The following ESS2 variants were observed in gnomAD, a reference collection of about 807,000 sequenced individuals.
The protein encoded by ESS2 is ess-2 spliceosome associated protein.
A neutral mutation model predicts 52.0 loss-of-function variants in ESS2; 31 were observed. That is an observed-to-expected ratio of 0.60 (90% CI 0.45 to 0.81). The LOEUF is 0.81. Among genes scored for constraint, ESS2 ranks in the 30% least tolerant of loss-of-function variants. The pLI is 0.00. For synonymous variants in ESS2, 285 were observed against 259.2 expected, an observed-to-expected ratio of 1.10 and a Z score of -0.95; for missense variants, 602 against 637.2, an observed-to-expected ratio of 0.94 and a Z score of 0.59.
At chr22:19,137,987 A>C in intron 7 of ESS2, 1 of 985,420 alleles carries the variant, frequency 1.0e-6, no homozygotes, top group Non-Finnish European at 1.2e-6. Flanking sequence ...ACGTCATCCC[A>C]GGATGTCTCA....
chr22:19,143,440 A>T (rs1012999318), intron 1 of ESS2, among the ~76,000 whole-genome samples: 1 of 152,156 alleles, frequency 6.6e-6, no homozygotes, highest in Non-Finnish European at 1.5e-5. Context: ...AAGTCCGTGA[A>T]ACCCTTCTCT....
In ESS2 at chr22:19,130,649, T is replaced by G. The variant is rs947314520; in HGVS notation, c.*3547A>C. On this transcript the variant is annotated 3_prime_UTR_variant, in exon 10 of 10. Transcript: ENST00000252137. Reference sequence around the variant, plus strand: ...GTTCCCTTAACTTGTCTTCAGATTTTGTCGACCCGAGATGGGTCCTGGCAC... The same window carrying G: ...GTTCCCTTAACTTGTCTTCAGATTTGGTCGACCCGAGATGGGTCCTGGCAC... 3.1e-6 allele frequency: 1 copy of G among 319,326 alleles called. No individual in the cohort carries two copies. Among genetic ancestry groups the G allele is most frequent in the African/African-American group, 2.2e-5 (1 of 44,738 alleles). 19.8% of individuals were successfully genotyped at this position (319,326 alleles called of 1,614,324 possible).
Position 19,130,577 on chromosome 22 carries a change from A to C in ESS2, c.*3619T>G. On this transcript the variant is annotated 3_prime_UTR_variant, in exon 10 of 10. Transcript: ENST00000252137. The stretch of plus-strand genomic sequence containing the variant: ...TTGTATCTCCTTTACAGCTTGGTCC[A>C]GAGAGCTGCCTTAGACTATCCAATT... 2.3e-6 allele frequency: 1 copy of C among 433,178 alleles called. No individual in the cohort carries two copies. The highest frequency in any genetic ancestry group is 4.5e-6 in the Non-Finnish European group (1 of 222,002). 26.8% of individuals were successfully genotyped at this position (433,178 alleles called of 1,614,324 possible). A position where few individuals can be genotyped will look rare whatever the true frequency, so the allele number is the denominator to read the frequency against.
rs746308938 is a variant in ESS2, at chr22:19,131,795, C to G, written c.*2401G>C. 6.2e-7 allele frequency: 1 copy of G among 1,614,232 alleles called. No individual in the cohort carries two copies. Among genetic ancestry groups the G allele is most frequent in the Admixed American group, 1.7e-5 (1 of 60,034 alleles). On this transcript the variant is annotated 3_prime_UTR_variant, in exon 10 of 10. Coordinates refer to ENST00000252137, the MANE Select transcript of ESS2 (RefSeq NM_022719.3). The surrounding 1 kb of genome is among the most constrained non-coding windows in gnomAD (Gnocchi z 5.7). ...TCAAGTACTGCCACGACCTGGACAT[C>G]GTCCACCGGGACCTCAAGTGCGAGA...
chr22:19,144,076 A>T lies in ESS2; in HGVS notation c.135+430T>A, dbSNP rs980169247. 12 of 1,002,166 alleles carry T rather than the reference A, an allele frequency of 1.2e-5. No individual in the cohort carries two copies. In the African/African-American group the frequency reaches 2.1e-4, roughly 17 times the overall value. 62.1% of individuals were successfully genotyped at this position (1,002,166 alleles called of 1,614,324 possible). ...ACTGACTTCCGCCAATCCCCGTTTC[A>T]GCTCCTCCTTCTGTGTGCGTGTGGT... is the stretch of plus-strand genomic sequence containing the variant. On this transcript the variant is annotated intron_variant, in intron 1 of 9. Transcript: ENST00000252137.
rs2083714417 is a variant in ESS2 at position 19,142,850 on chromosome 22, C to T, written c.180G>A (p.Glu60=). Residue 60 remains glutamate (E), a synonymous_variant, in exon 2 of 10, where the codon GAG becomes GAA. Transcript: ENST00000252137. ...GGTACTCCTTCTGTGCCTGGAGCTT[C>T]TCCACATCAGGAAAGAAATCCCTTT... The part of the protein sequence containing the change: ...VIQRDFFPDV[E]KLQAQKEYLE... 3 of 1,613,998 alleles carry T rather than the reference C, an allele frequency of 1.9e-6. No individual in the cohort carries two copies. The highest frequency in any genetic ancestry group is 1.1e-5 in the South Asian group (1 of 91,086).
rs1317801913 is a variant in ESS2, at chr22:19,139,296, G to C, written c.689-4C>G. The C allele has an allele frequency of 6.3e-7, 1 of 1,582,896 alleles. No individual in the cohort carries two copies. Among genetic ancestry groups the C allele is most frequent in the African/African-American group, 1.4e-5 (1 of 74,054 alleles). On this transcript the variant is annotated splice_region_variant and splice_polypyrimidine_tract_variant and intron_variant, in intron 5 of 9. Coordinates refer to ENST00000252137, the MANE Select transcript of ESS2 (RefSeq NM_022719.3). ...AGCTGCTCCTCGTCAGGGACACCTG[G>C]CAGACGAAGCAAAGGTAGCAGCAGG...
In ESS2 at chr22:19,131,394, G is replaced by A. The variant is rs1482621050; in HGVS notation, c.*2802C>T. 2 of 1,588,488 alleles carry A rather than the reference G, an allele frequency of 1.3e-6. No individual in the cohort carries two copies. Among genetic ancestry groups the A allele is most frequent in the Non-Finnish European group, 1.7e-6 (2 of 1,165,880 alleles). ...GACGGCAGCGGCGCCAGTCGCTCCT[G>A]GCACCATGGACGATGCCACAGTCCT... On this transcript the variant is annotated 3_prime_UTR_variant, in exon 10 of 10. Coordinates refer to ENST00000252137, the MANE Select transcript of ESS2 (RefSeq NM_022719.3). The surrounding 1 kb of genome is among the most constrained non-coding windows in gnomAD (Gnocchi z 5.7).
chr22:19,137,608 G>T, intron 7 of ESS2, 176 bp from the exon 8 acceptor site: 1 of 611,918 alleles, frequency 1.6e-6, no homozygotes, highest in Non-Finnish European at 2.0e-6. Context: ...AAAGGGAAAT[G>T]CCAAGCTCCC....
intron 5 of ESS2, among the ~76,000 whole-genome samples, 154 bp downstream of exon 5, chr22:19,139,457 CA>C (rs544146567): frequency 1.3e-3 from 199 of 152,310 alleles, no homozygotes; most frequent in African/African-American, 4.5e-3. Context: ...TGACCTCACA[CA>C]GACCTGTCCA....
chr22:19,139,903 G>C lies in ESS2; in HGVS notation c.522C>G (p.Ser174Arg). Residue 174 changes from serine to arginine, a missense_variant, in exon 4 of 10, where the codon AGC (serine) becomes AGG (arginine). Physicochemically the swap from Ser to Arg is moderately radical, Grantham distance 110. Coordinates refer to ENST00000252137, the MANE Select transcript of ESS2 (RefSeq NM_022719.3). ...GGTAGAGCCAAGCGTGGCGTGCCCG[G>C]CTTCTCTCCTTGGCCACCTCCATGA... The part of the protein sequence containing the change: ...QEIMEVAKER[S>R]RARHAWLYQA... The C allele has an allele frequency of 6.2e-7, 1 of 1,614,154 alleles. No individual in the cohort carries two copies. The highest frequency in any genetic ancestry group is 8.5e-7 in the Non-Finnish European group (1 of 1,180,024).
At chr22:19,143,506 G>A (rs2083730015) in intron 1 of ESS2, among the ~76,000 whole-genome samples, 1 of 152,200 alleles carries the variant, frequency 6.6e-6, no homozygotes, top group African/African-American at 2.4e-5. Context: ...CCACAAGCCA[G>A]ACCAATGTGG....
chr22:19,134,601 G>A, intron 9 of ESS2, 126 bp from the exon 10 acceptor site: 1 of 1,060,058 alleles, frequency 9.4e-7, no homozygotes, highest in Non-Finnish European at 1.3e-6. Context: ...GAGGAGGATG[G>A]TACTGCCAGC....
intron 7 of ESS2, chr22:19,137,638 CA>C (rs1269192756): frequency 1.3e-6 from 1 of 766,836 alleles, no homozygotes; most frequent in Non-Finnish European, 1.6e-6. Flanking sequence ...GAGGCAGGCT[CA>C]AGGCCCTACA....
chr22:19,137,683 CT>C, intron 7 of ESS2: 1 of 959,180 alleles, frequency 1.0e-6, no homozygotes, highest in Non-Finnish European at 1.2e-6. Context: ...TCTGGGAGGT[CT>C]CCCCCAGCCA....
chr22:19,130,457 A>T lies in ESS2; in HGVS notation c.*3739T>A. The T allele has an allele frequency of 1.1e-5, 3 of 278,912 alleles. No individual in the cohort carries two copies. The highest frequency in any genetic ancestry group is 7.3e-5 in the South Asian group (2 of 27,484). The allele number at this position is 278,912 out of a possible 1,614,324, so 17.3% of individuals were successfully genotyped here. ...GGTAACTAATTTTGTTCCAAGGAGA[A>T]GGTCAGAGGCAAAAAAAATGCTTGC... is the stretch of plus-strand genomic sequence containing the variant. On this transcript the variant is annotated 3_prime_UTR_variant, in exon 10 of 10. Transcript: ENST00000252137.
At chr22:19,137,563 C>T in intron 7 of ESS2, 131 bp from the exon 8 acceptor site, 1 of 930,874 alleles carries the variant, frequency 1.1e-6, no homozygotes, top group Non-Finnish European at 1.6e-6. Context: ...CTCTCCTTCC[C>T]CAGGACTCTG....
At position 19,139,143 on chromosome 22, in the gene ESS2, T is replaced by C. The variant is rs1248737528; in HGVS notation, c.822+16A>G. On this transcript the variant is annotated intron_variant, in intron 6 of 9. Transcript: ENST00000252137. Reference sequence around the variant, plus strand: ...TCCAACCTGGCCCATGCGGCCCTGCTGACCCGCCTGCTCACCTGGGCATTG... The same window carrying C: ...TCCAACCTGGCCCATGCGGCCCTGCCGACCCGCCTGCTCACCTGGGCATTG... 1 of 1,574,808 alleles carries C rather than the reference T, an allele frequency of 6.3e-7. No homozygotes were observed. The highest frequency in any genetic ancestry group is 8.6e-7 in the Non-Finnish European group (1 of 1,160,668).
Position 19,134,493 on chromosome 22 carries a change from G to C in ESS2, c.1152-18C>G. On this transcript the variant is annotated intron_variant, in intron 9 of 9. Coordinates refer to ENST00000252137, the MANE Select transcript of ESS2 (RefSeq NM_022719.3). ...GGGTGAGGCTGGGGTGGAGGAATGG[G>C]TGAGAGAGGCAGGGTTAGGTGGGCT... The C allele has an allele frequency of 1.3e-6, 2 of 1,517,062 alleles. No individual in the cohort carries two copies. The highest frequency in any genetic ancestry group is 1.8e-6 in the Non-Finnish European group (2 of 1,132,006). The allele number at this position is 1,517,062 out of a possible 1,614,324, so 94.0% of individuals were successfully genotyped here.
Sources: allele counts gnomAD v4.1 joint callset (sites outside exome capture counted in the v4.1 genomes callset), GRCh38; gene constraint gnomAD v4.1.1; non-coding constraint Gnocchi (gnomAD v3.1); transcripts MANE v1.5; gene names NCBI Gene and HGNC (gene_info 2026-07-23, HGNC 2026-07-21).